Variants in FNDC3A observed in about 807,000 individuals in gnomAD.
The protein encoded by FNDC3A is fibronectin type-III domain-containing protein 3A.
FNDC3A carries 32 observed loss-of-function variants against 148.9 expected under a neutral mutation model. The observed-to-expected ratio is 0.21, with a 90% confidence interval of 0.16 to 0.29. The LOEUF is 0.29. Among genes scored for constraint, FNDC3A ranks in the 10% least tolerant of loss-of-function variants. FNDC3A has a pLI of 1.00. For synonymous variants in FNDC3A, 472 were observed against 473.6 expected (o/e 1.00, Z 0.04); for missense variants, 1,191 against 1,452.8 (o/e 0.82, Z 2.93).
Position 49,136,332 on chromosome 13 carries a change from A to G in FNDC3A, c.491A>G (p.Asp164Gly). 1 of 1,611,948 alleles carries G rather than the reference A, an allele frequency of 6.2e-7. No homozygotes were observed. Among genetic ancestry groups the G allele is most frequent in the African/African-American group, 1.3e-5 (1 of 74,920 alleles). Residue 164 changes from aspartate (D) to glycine (G), a missense_variant and splice_region_variant, in exon 6 of 26, where the codon GAT becomes GGT. Asp to Gly is a moderately conservative substitution (Grantham distance 94, BLOSUM62 -1). This residue lies in a region of FNDC3A where 426 missense variants were observed against 473.2 expected (regional missense o/e 0.90). Coordinates refer to ENST00000492622, the MANE Select transcript of FNDC3A (RefSeq NM_001079673.2). ...YQSSQVYGDV[D>G]AHSTHGRSNF... Reference sequence around the variant, plus strand: ...ACATTTTGTTTTTATTGCCTCCTAGATGCTCACTCTACACATGGAAGGTCC... The same window carrying G: ...ACATTTTGTTTTTATTGCCTCCTAGGTGCTCACTCTACACATGGAAGGTCC...
At chr13:49,050,127 T>C (rs183301237) in intron 2 of FNDC3A, among the ~76,000 whole-genome samples, 1 of 152,364 alleles carries the variant, frequency 6.6e-6, no homozygotes, top group East Asian at 1.9e-4. Flanking sequence ...TTTTTGTTTG[T>C]TTCCATTTCA....
chr13:49,147,646 A>G (rs1157121713), intron 8 of FNDC3A, among the ~76,000 whole-genome samples: 1 of 152,050 alleles, frequency 6.6e-6, no homozygotes, highest in Non-Finnish European at 1.5e-5. Flanking sequence ...ATGGACACTT[A>G]GGTTGATCTA....
At chr13:49,026,721 T>G (rs1211159382) in intron 2 of FNDC3A, among the ~76,000 whole-genome samples, 2 of 152,162 alleles carry the variant, frequency 1.3e-5, no homozygotes, top group African/African-American at 2.4e-5. Context: ...CCCAGGCTGG[T>G]CTTGAACTCC....
chr13:49,064,758 G>T (rs1051635364), intron 2 of FNDC3A, among the ~76,000 whole-genome samples: 1 of 152,184 alleles, frequency 6.6e-6, no homozygotes, highest in Non-Finnish European at 1.5e-5. Context: ...TTGGGTTCAT[G>T]TGTAAGTTGC....
At chr13:49,100,194 A>G (rs1879776891) in intron 3 of FNDC3A, among the ~76,000 whole-genome samples, 1 of 152,168 alleles carries the variant, frequency 6.6e-6, no homozygotes, top group Non-Finnish European at 1.5e-5. Flanking sequence ...GTTTTTTAAT[A>G]AAGCATTTTA....
At chr13:49,180,228 T>G (rs537876162) in intron 14 of FNDC3A, among the ~76,000 whole-genome samples, 1 of 152,308 alleles carries the variant, frequency 6.6e-6, no homozygotes, top group African/African-American at 2.4e-5. Flanking sequence ...AATTCAACAT[T>G]TAAATTTTCC....
chr13:49,142,444 A>G (rs1882742877), intron 7 of FNDC3A, among the ~76,000 whole-genome samples: 1 of 152,060 alleles, frequency 6.6e-6, no homozygotes, highest in Non-Finnish European at 1.5e-5. Flanking sequence ...TTAGTACTCC[A>G]GCTTTATTAT....
At chr13:49,152,406 A>C (rs1343720642) in intron 8 of FNDC3A, among the ~76,000 whole-genome samples, 1 of 152,028 alleles carries the variant, frequency 6.6e-6, no homozygotes, top group Non-Finnish European at 1.5e-5. Flanking sequence ...TCCTTCGCCC[A>C]CTTTTTCATG....
intron 3 of FNDC3A, among the ~76,000 whole-genome samples, chr13:49,081,282 A>G (rs1179130553): frequency 1.3e-5 from 2 of 152,208 alleles, no homozygotes; most frequent in East Asian, 3.8e-4. Flanking sequence ...AAGAGAGAAA[A>G]TTATGAAAAG....
chr13:49,084,842 A>G (rs1233037402), intron 3 of FNDC3A, among the ~76,000 whole-genome samples: 1 of 152,024 alleles, frequency 6.6e-6, no homozygotes, highest in Admixed American at 6.6e-5. Context: ...TGTTGCTGGT[A>G]TGGCTTTTTC....
At chr13:49,151,547 T>C (rs1421902859) in intron 8 of FNDC3A, among the ~76,000 whole-genome samples, 3 of 152,210 alleles carry the variant, frequency 2.0e-5, no homozygotes, top group East Asian at 1.9e-4. Context: ...TTGTGTCTTT[T>C]AAGTAGAAAG....
intron 3 of FNDC3A, among the ~76,000 whole-genome samples, chr13:49,075,576 A>AT (rs1239070253): frequency 6.6e-6 from 1 of 152,082 alleles, no homozygotes; most frequent in Non-Finnish European, 1.5e-5. Flanking sequence ...TATTCTTGAT[A>AT]TATTATATTG....
At chr13:48,997,632 A>T (rs1026056736) in intron 1 of FNDC3A, among the ~76,000 whole-genome samples, 12 of 152,192 alleles carry the variant, frequency 7.9e-5, no homozygotes, top group African/African-American at 2.9e-4. Context: ...GAAGGTAGCC[A>T]TCTGAGAGCC....
At chr13:49,033,750 T>C (rs1874294966) in intron 2 of FNDC3A, among the ~76,000 whole-genome samples, 1 of 152,026 alleles carries the variant, frequency 6.6e-6, no homozygotes, top group Non-Finnish European at 1.5e-5. Flanking sequence ...TAATTTATAC[T>C]TAAATTTTTT....
At chr13:49,110,287 T>A in intron 3 of FNDC3A, 1 of 1,500,450 alleles carries the variant, frequency 6.7e-7, no homozygotes, top group Non-Finnish European at 9.0e-7. Flanking sequence ...GATCTTTTCC[T>A]CTTACAGCCT....
rs75546199 is a variant in FNDC3A, at chr13:49,203,865, G to A, written c.3282+581G>A. ...GCAAAGGGAAGAGTTGATAAGGTCG[G>A]ATAGTTAATCCTAAGGGGCCTATAG... is the stretch of plus-strand genomic sequence containing the variant. On this transcript the variant is annotated intron_variant, in intron 25 of 25. Coordinates refer to ENST00000492622, the MANE Select transcript of FNDC3A (RefSeq NM_001079673.2). Among the ~76,000 whole-genome samples the A allele has an allele frequency of 9.7e-3, 1,475 of 152,248 alleles. 28 individuals carry two copies. Among genetic ancestry groups the A allele is most frequent in the African/African-American group, 0.034 (1,403 of 41,538 alleles).
intron 7 of FNDC3A, among the ~76,000 whole-genome samples, chr13:49,142,614 C>T (rs1437473935): frequency 2.0e-5 from 3 of 152,156 alleles, no homozygotes; most frequent in Non-Finnish European, 4.4e-5. Context: ...CTGAAACCAG[C>T]AACAGAAAAC....
At chr13:49,042,549 G>A (rs1478065082) in intron 2 of FNDC3A, among the ~76,000 whole-genome samples, 1 of 152,158 alleles carries the variant, frequency 6.6e-6, no homozygotes, top group Non-Finnish European at 1.5e-5. Context: ...GCCAAGGTGA[G>A]AGGATCGCTA....
intron 2 of FNDC3A, among the ~76,000 whole-genome samples, chr13:49,067,138 A>G (rs549229965): frequency 6.6e-6 from 1 of 152,260 alleles, no homozygotes; most frequent in Non-Finnish European, 1.5e-5. Context: ...ATTCTACTAA[A>G]AGGTCAGATG....
Sources: allele counts gnomAD v4.1 joint callset (sites outside exome capture counted in the v4.1 genomes callset), GRCh38; gene constraint gnomAD v4.1.1; regional missense constraint gnomAD v4.1.1; transcripts MANE v1.5; gene names NCBI Gene and HGNC (gene_info 2026-07-23, HGNC 2026-07-21).